Variants in UTRN observed in about 807,000 individuals in gnomAD.
UTRN encodes utrophin.
Under a neutral mutation model 463.9 loss-of-function variants are expected in UTRN, and 283 were observed. The observed-to-expected ratio is 0.61, with a 90% CI of 0.55 to 0.67. The LOEUF (loss-of-function observed/expected upper bound fraction) is 0.67. Among genes scored for constraint, UTRN ranks in the 30% least tolerant of loss-of-function variants. UTRN has a pLI of 0.00. For missense variants in UTRN, 3,922 were observed against 4,084.3 expected (o/e 0.96, Z 1.08); for synonymous variants, 1,442 against 1,431.5 (o/e 1.01, Z -0.17).
At chr6:144,577,380 G>A (rs1415304834) in intron 51 of UTRN, 92 bp downstream of exon 51, 10 of 1,309,190 alleles carry the variant, frequency 7.6e-6, no homozygotes, top group Non-Finnish European at 1.1e-5. Context: ...AAAAGGTGAA[G>A]TTGTCACTTT....
chr6:144,369,616 A>C (rs1411173237), intron 2 of UTRN, among the ~76,000 whole-genome samples: 2 of 152,250 alleles, frequency 1.3e-5, no homozygotes, highest in African/African-American at 2.4e-5. Flanking sequence ...CTCTGTCTCA[A>C]AAAAGAAAAC....
intron 53 of UTRN, among the ~76,000 whole-genome samples, chr6:144,704,307 A>G (rs930408833): frequency 1.3e-5 from 2 of 152,208 alleles, no homozygotes; most frequent in African/African-American, 4.8e-5. Context: ...CTGCCTTCCA[A>G]AAATGGACAA....
At chr6:144,605,797 A>G (rs1335084297) in intron 51 of UTRN, among the ~76,000 whole-genome samples, 1 of 151,808 alleles carries the variant, frequency 6.6e-6, no homozygotes, top group Admixed American at 6.6e-5. Context: ...AAGTTTCCTG[A>G]TATCTGGGAT....
chr6:144,372,144 A>T (rs1780045192), intron 2 of UTRN, among the ~76,000 whole-genome samples: 1 of 152,264 alleles, frequency 6.6e-6, no homozygotes, highest in Non-Finnish European at 1.5e-5. Context: ...AAGCACCAGT[A>T]ATACTGTTTC....
At chr6:144,599,803 C>T (rs528395389) in intron 51 of UTRN, among the ~76,000 whole-genome samples, 5 of 152,064 alleles carry the variant, frequency 3.3e-5, no homozygotes, top group African/African-American at 9.7e-5. Flanking sequence ...CACAGGCATA[C>T]CCCCATCTTA....
chr6:144,489,309 C>G (rs999748451), intron 30 of UTRN, among the ~76,000 whole-genome samples: 9 of 152,128 alleles, frequency 5.9e-5, no homozygotes, highest in Admixed American at 5.9e-4. Flanking sequence ...CCTCGGCCTC[C>G]CAATAATTTT....
chr6:144,662,351 A>T (rs1779954237), intron 51 of UTRN, among the ~76,000 whole-genome samples: 2 of 152,230 alleles, frequency 1.3e-5, no homozygotes, highest in Non-Finnish European at 2.9e-5. Context: ...TTCCCCCAAC[A>T]AAGCAATAAT....
intron 53 of UTRN, among the ~76,000 whole-genome samples, chr6:144,712,144 C>T (rs992238970): frequency 2.0e-5 from 3 of 152,190 alleles, no homozygotes; most frequent in Non-Finnish European, 4.4e-5. Flanking sequence ...CCAAGTTCCT[C>T]TCCAACCTTT....
intron 24 of UTRN, among the ~76,000 whole-genome samples, chr6:144,474,272 T>A (rs533300172): frequency 6.6e-6 from 1 of 152,022 alleles, no homozygotes; most frequent in South Asian, 2.1e-4. Flanking sequence ...ACCCTAGAAC[T>A]TAAAGTGTTA....
chr6:144,845,517 G>T lies in UTRN; in HGVS notation c.10271-1288G>T, dbSNP rs2128765104. ...TTTCCTTTTTAAAATATTTTTGTGT[G>T]ATTTGTTCAGGCAAATACCCATAGC... is the stretch of plus-strand genomic sequence containing the variant. On this transcript the variant is annotated intron_variant, in intron 73 of 74. Coordinates refer to ENST00000367545, the MANE Select transcript of UTRN (RefSeq NM_007124.3). Among the ~76,000 whole-genome samples, 4 of 152,288 alleles carry T rather than the reference G, an allele frequency of 2.6e-5. 1 individual carries two copies. In the South Asian group the frequency reaches 8.3e-4, roughly 32 times the overall value.
chr6:144,660,238 A>G (rs1333599637), intron 51 of UTRN: 1 of 471,098 alleles, frequency 2.1e-6, no homozygotes, highest in East Asian at 6.9e-5. Flanking sequence ...ATTGGTCTGA[A>G]CTTCAACTTA....
intron 2 of UTRN, among the ~76,000 whole-genome samples, chr6:144,399,673 T>G (rs1446203775): frequency 6.6e-6 from 1 of 152,172 alleles, no homozygotes; most frequent in East Asian, 1.9e-4. Flanking sequence ...ACAGTAGAGT[T>G]TTAGAGGTGA....
Position 144,698,279 on chromosome 6 carries a change from C to G in UTRN, c.7653-1808C>G, listed in dbSNP as rs544141482. ...GCTGGAGCTCAAGCAGAATCAGGACCTTGTTAACCACAGTTTTGTAAAATG... is the reference window on the plus strand; with the variant it reads ...GCTGGAGCTCAAGCAGAATCAGGACGTTGTTAACCACAGTTTTGTAAAATG... On this transcript the variant is annotated intron_variant, in intron 52 of 74. Transcript: ENST00000367545. 2.8e-3 allele frequency among the ~76,000 whole-genome samples: 419 copies of G among 152,232 alleles called. 1 individual carries two copies. The highest frequency in any genetic ancestry group is 9.4e-3 in the African/African-American group (392 of 41,532).
At chr6:144,623,256 T>G (rs1775611983) in intron 51 of UTRN, among the ~76,000 whole-genome samples, 1 of 152,238 alleles carries the variant, frequency 6.6e-6, no homozygotes, top group African/African-American at 2.4e-5. Context: ...CAATATATTT[T>G]ATCAATCAGA....
At chr6:144,346,963 T>G (rs1777640416) in intron 2 of UTRN, among the ~76,000 whole-genome samples, 1 of 152,190 alleles carries the variant, frequency 6.6e-6, no homozygotes, top group African/African-American at 2.4e-5. Flanking sequence ...TTTCACTAGA[T>G]GCTAACAATA....
rs1004982938 is a variant in UTRN, at chr6:144,511,187, A to G, written c.4944+64A>G. The G allele has an allele frequency of 6.6e-6, 9 of 1,364,492 alleles. No individual in the cohort carries two copies. The African/African-American group carries it at 1.2e-4, about 18-fold the overall frequency. The allele number at this position is 1,364,492 out of a possible 1,614,324, so 84.5% of individuals were successfully genotyped here. On this transcript the variant is annotated intron_variant, in intron 35 of 74. Transcript: ENST00000367545. Reference sequence around the variant, plus strand: ...TCTCTTCTAGTTATTTTTTAAATGAATACAACTTTGATTAAATTTCAAATC... The same window carrying G: ...TCTCTTCTAGTTATTTTTTAAATGAGTACAACTTTGATTAAATTTCAAATC...
intron 35 of UTRN, among the ~76,000 whole-genome samples, chr6:144,512,078 G>T (rs1191598093): frequency 6.6e-6 from 1 of 152,042 alleles, no homozygotes; most frequent in Non-Finnish European, 1.5e-5. Context: ...CACAGTCCAT[G>T]ACTTATTATC....
At position 144,757,966 on chromosome 6, in the gene UTRN, T is replaced by C; in HGVS notation, c.8472T>C (p.His2824=). Residue 2824 remains histidine (H), a synonymous_variant, in exon 58 of 75, where the codon CAT becomes CAC. Coordinates refer to ENST00000367545, the MANE Select transcript of UTRN (RefSeq NM_007124.3). ...TGCCGTGGCAAAGATCCATTTCACA[T>C]AATAAAGTGCCCTATTACATCAAGT... ...VQLPWQRSIS[H]NKVPYYINHQ... 1.2e-6 allele frequency: 2 copies of C among 1,611,270 alleles called. No homozygotes were observed. The highest frequency in any genetic ancestry group is 1.7e-6 in the Non-Finnish European group (2 of 1,178,342).
chr6:144,333,679 C>T (rs1172503822), intron 2 of UTRN, among the ~76,000 whole-genome samples: 2 of 152,066 alleles, frequency 1.3e-5, no homozygotes, highest in Non-Finnish European at 2.9e-5. Context: ...TTCTCAGTTT[C>T]AGCCAGGGGT....
Sources: allele counts gnomAD v4.1 joint callset (sites outside exome capture counted in the v4.1 genomes callset), GRCh38; gene constraint gnomAD v4.1.1; transcripts MANE v1.5; gene names NCBI Gene and HGNC (gene_info 2026-07-23, HGNC 2026-07-21).